PAX5: variants seen among roughly 807,000 people sequenced by gnomAD.
PAX5 encodes paired box 5.
In PAX5, 9 loss-of-function variants were observed where a neutral mutation model predicts 43.7. The observed-to-expected ratio is 0.21, with a 90% CI of 0.12 to 0.36. The LOEUF (loss-of-function observed/expected upper bound fraction) is 0.36. Ranked by LOEUF, PAX5 falls within the 10% of genes least tolerant of loss-of-function variation. PAX5 has a pLI of 1.00. For synonymous variants in PAX5, 228 were observed against 214.3 expected (o/e 1.06, Z -0.56); for missense variants, 383 against 532.7 (o/e 0.72, Z 2.77).
intron 8 of PAX5, chr9:36,864,369 A>G: frequency 6.5e-6 from 1 of 154,140 alleles, no homozygotes. Flanking sequence ...CTGGACAGAG[A>G]CGGTCCAGGT....
intron 5 of PAX5, among the ~76,000 whole-genome samples, chr9:36,967,731 G>A (rs1457361621): frequency 6.6e-6 from 1 of 152,194 alleles, no homozygotes; most frequent in East Asian, 1.9e-4. Flanking sequence ...TGAGTGAGTG[G>A]AGGTGAGGGG....
chr9:37,004,539 A>C (rs1405454242), intron 4 of PAX5, among the ~76,000 whole-genome samples: 1 of 152,232 alleles, frequency 6.6e-6, no homozygotes, highest in African/African-American at 2.4e-5. Context: ...ACAAACCTAG[A>C]GGGAGCCATG....
At chr9:36,903,953 G>A (rs1828606068) in intron 7 of PAX5, among the ~76,000 whole-genome samples, 2 of 152,220 alleles carry the variant, frequency 1.3e-5, no homozygotes, top group Admixed American at 1.3e-4. Flanking sequence ...TAGAGGTCAA[G>A]TGTGTGGTCT....
chr9:36,915,013 T>G (rs889494079), intron 7 of PAX5, among the ~76,000 whole-genome samples: 4 of 152,232 alleles, frequency 2.6e-5, no homozygotes, highest in Admixed American at 2.6e-4. Context: ...GGCTGCATAG[T>G]ATTTTATTGT....
intron 5 of PAX5, among the ~76,000 whole-genome samples, chr9:36,991,928 C>A (rs1469353557): frequency 6.6e-6 from 1 of 152,130 alleles, no homozygotes; most frequent in Non-Finnish European, 1.5e-5. Flanking sequence ...ACCTTTTATC[C>A]TTCTTCCTCT....
chr9:36,869,830 AGATGGATGGATGGATAAATGGATGGATG>A (rs1825254548), intron 8 of PAX5, among the ~76,000 whole-genome samples: 1 of 141,576 alleles, frequency 7.1e-6, no homozygotes, highest in South Asian at 2.3e-4. Flanking sequence ...ATGGATGAAT[AGATGGATGGATGGATAAATGGATGGATG>A]GATGGATGGA....
chr9:36,900,621 C>T (rs1026329303), intron 7 of PAX5, among the ~76,000 whole-genome samples: 1 of 152,192 alleles, frequency 6.6e-6, no homozygotes, highest in African/African-American at 2.4e-5. Flanking sequence ...CACTCACTCC[C>T]CCACTCCGGG....
At chr9:36,917,092 G>C (rs1484414863) in intron 7 of PAX5, among the ~76,000 whole-genome samples, 1 of 152,060 alleles carries the variant, frequency 6.6e-6, no homozygotes, top group East Asian at 1.9e-4. Flanking sequence ...TTTGACTTAG[G>C]CCTGGGATGT....
At chr9:37,004,932 GT>G (rs1457931918) in intron 4 of PAX5, among the ~76,000 whole-genome samples, 10 of 152,218 alleles carry the variant, frequency 6.6e-5, no homozygotes, top group Non-Finnish European at 8.8e-5. Flanking sequence ...TCCTCGGTAA[GT>G]TTGTGAACTC....
chr9:36,993,853 C>A (rs1837137914), intron 5 of PAX5, among the ~76,000 whole-genome samples: 1 of 152,134 alleles, frequency 6.6e-6, no homozygotes, highest in Non-Finnish European at 1.5e-5. Context: ...ACTGAGATCC[C>A]CACATGGCAG....
At chr9:37,009,755 A>G (rs780499404) in intron 3 of PAX5, among the ~76,000 whole-genome samples, 2 of 152,022 alleles carry the variant, frequency 1.3e-5, no homozygotes, top group African/African-American at 2.4e-5. Context: ...GTGGGTTATT[A>G]CTCATTGCAT....
intron 6 of PAX5, among the ~76,000 whole-genome samples, chr9:36,937,098 A>G (rs1004361394): frequency 2.6e-5 from 4 of 152,186 alleles, no homozygotes; most frequent in Non-Finnish European, 5.9e-5. Flanking sequence ...CTGGTTTGCC[A>G]TTCAGAAGAC....
chr9:36,880,661 C>G (rs1176474513), intron 8 of PAX5, among the ~76,000 whole-genome samples: 1 of 152,250 alleles, frequency 6.6e-6, no homozygotes, highest in Admixed American at 6.5e-5. Flanking sequence ...TTTCTGGGTT[C>G]AAGCAATTCT....
intron 6 of PAX5, among the ~76,000 whole-genome samples, chr9:36,934,031 T>G (rs960131433): frequency 1.3e-5 from 2 of 152,054 alleles, no homozygotes; most frequent in Non-Finnish European, 2.9e-5. Flanking sequence ...TGTGGGCTGG[T>G]GAAGATGTTG....
At chr9:36,960,705 C>T (rs1465703865) in intron 6 of PAX5, among the ~76,000 whole-genome samples, 3 of 152,182 alleles carry the variant, frequency 2.0e-5, no homozygotes, top group Admixed American at 6.5e-5. Context: ...CTCATCTCTG[C>T]GTTCCACCCC....
intron 2 of PAX5, among the ~76,000 whole-genome samples, chr9:37,016,526 C>G (rs548880273): frequency 1.3e-5 from 2 of 152,140 alleles, no homozygotes; most frequent in African/African-American, 4.8e-5. Context: ...AAAACCAAGA[C>G]CAAGAAGAAG....
chr9:36,924,248 C>T (rs527584010), intron 6 of PAX5, among the ~76,000 whole-genome samples: 3 of 152,324 alleles, frequency 2.0e-5, no homozygotes, highest in African/African-American at 7.2e-5. Flanking sequence ...AGCCATTTCA[C>T]GAAATCAGAG....
At chr9:36,964,235 C>T (rs113566448) in intron 6 of PAX5, among the ~76,000 whole-genome samples, 6 of 151,330 alleles carry the variant, frequency 4.0e-5, no homozygotes, top group South Asian at 2.1e-4. Context: ...GAGCCGAGAT[C>T]GCGCCACTGC....
chr9:36,839,867 C>T lies in PAX5; in HGVS notation c.*693G>A, dbSNP rs1190799006. On this transcript the variant is annotated 3_prime_UTR_variant, in exon 10 of 10. Transcript: ENST00000358127. ...GAGAAATGGAGGCAGGAAACCAGGACATCTCCCCAAAGTGTGCTCCTCTTG... is the reference window on the plus strand; with the variant it reads ...GAGAAATGGAGGCAGGAAACCAGGATATCTCCCCAAAGTGTGCTCCTCTTG... 2 of 233,772 alleles carry T rather than the reference C, an allele frequency of 8.6e-6. No individual in the cohort carries two copies. The highest frequency in any genetic ancestry group is 8.4e-6 in the Non-Finnish European group (1 of 118,466). The allele number at this position is 233,772 out of a possible 1,614,324, so 14.5% of individuals were successfully genotyped here. A position where few individuals can be genotyped will look rare whatever the true frequency, so the allele number is the denominator to read the frequency against.
Sources: gnomAD v4.1 joint callset for allele counts (sites outside exome capture counted in the v4.1 genomes callset) on GRCh38, gnomAD v4.1.1 for gene constraint, MANE v1.5 for transcripts, NCBI Gene and HGNC (gene_info 2026-07-23, HGNC 2026-07-21) for gene names.